SUCLG2: variants seen among roughly 807,000 people sequenced by gnomAD.
SUCLG2 encodes the protein succinate--CoA ligase [GDP-forming] subunit beta, mitochondrial.
In SUCLG2, 42 loss-of-function variants were observed where a neutral mutation model predicts 47.9. The ratio of observed to expected loss-of-function variants is 0.88; its 90% CI spans 0.69 to 1.14. SUCLG2 has a LOEUF of 1.14. SUCLG2 is among the 50% of genes most tolerant of loss of function. SUCLG2 has a pLI of 0.00. For synonymous variants in SUCLG2, 195 were observed against 197.3 expected (o/e 0.99, Z 0.10); for missense variants, 571 against 525.9 (o/e 1.09, Z -0.84).
At chr3:67,362,179 C>T (rs899048650) in intron 10 of SUCLG2, among the ~76,000 whole-genome samples, 13 of 152,246 alleles carry the variant, frequency 8.5e-5, no homozygotes, top group African/African-American at 3.1e-4. Flanking sequence ...CAACACTTCC[C>T]TGTTGCTCTC....
Position 67,550,110 on chromosome 3 carries a change from G to A in SUCLG2, c.227-20924C>T, listed in dbSNP as rs555826450. ...CTAATCCTCTGATTGAACACCAGCC[G>A]TATTCTTCCCTGGGCCTGGGGCACA... On this transcript the variant is annotated intron_variant, in intron 2 of 10. Coordinates refer to ENST00000307227, the MANE Select transcript of SUCLG2 (RefSeq NM_003848.4). Among the ~76,000 whole-genome samples, 25 of 152,230 alleles carry A rather than the reference G, an allele frequency of 1.6e-4. No homozygotes were observed. In the East Asian group the frequency reaches 2.3e-3, roughly 14 times the overall value.
intron 9 of SUCLG2, among the ~76,000 whole-genome samples, chr3:67,452,546 A>G (rs576334215): frequency 1.3e-5 from 2 of 152,348 alleles, no homozygotes; most frequent in Non-Finnish European, 2.9e-5. Context: ...TCTAATATGT[A>G]GAAAACAGGT....
intron 9 of SUCLG2, among the ~76,000 whole-genome samples, chr3:67,428,124 G>A (rs533210772): frequency 6.6e-6 from 1 of 152,304 alleles, no homozygotes; most frequent in African/African-American, 2.4e-5. Flanking sequence ...TTGAGAACTG[G>A]AGAATGGACA....
intron 9 of SUCLG2, chr3:67,408,829 GC>G: frequency 7.1e-7 from 1 of 1,418,286 alleles, no homozygotes; most frequent in Non-Finnish European, 9.2e-7. Context: ...ACAGCAGTAG[GC>G]AATGGTGTCA....
intron 9 of SUCLG2, among the ~76,000 whole-genome samples, chr3:67,483,689 T>A (rs923610514): frequency 2.6e-5 from 4 of 152,334 alleles, no homozygotes; most frequent in Non-Finnish European, 5.9e-5. Flanking sequence ...TATATTCTTG[T>A]TTGGCTGATG....
At chr3:67,422,540 T>C (rs1161361742) in intron 9 of SUCLG2, among the ~76,000 whole-genome samples, 7 of 141,232 alleles carry the variant, frequency 5.0e-5, no homozygotes, top group Admixed American at 2.2e-4. Flanking sequence ...TCTTACAATA[T>C]GTGTACAACT....
intron 10 of SUCLG2, chr3:67,376,538 T>C: frequency 1.0e-6 from 1 of 958,818 alleles, no homozygotes; most frequent in Non-Finnish European, 1.2e-6. Flanking sequence ...TTTAAGTGTC[T>C]AATGAAATAT....
intron 1 of SUCLG2, among the ~76,000 whole-genome samples, chr3:67,616,512 GC>G (rs1416252500): frequency 6.6e-6 from 1 of 152,052 alleles, no homozygotes; most frequent in African/African-American, 2.4e-5. Flanking sequence ...CTTGGGAAGG[GC>G]AGACCAAGAA....
chr3:67,562,692 T>C (rs536607821), intron 2 of SUCLG2, among the ~76,000 whole-genome samples: 1 of 152,332 alleles, frequency 6.6e-6, no homozygotes, highest in Non-Finnish European at 1.5e-5. Context: ...CAACACTAAT[T>C]TCCTTGTCTG....
At chr3:67,580,256 T>C (rs966757489) in intron 2 of SUCLG2, among the ~76,000 whole-genome samples, 2 of 152,148 alleles carry the variant, frequency 1.3e-5, no homozygotes, top group Non-Finnish European at 2.9e-5. Flanking sequence ...CCATGATATA[T>C]ATATTTCATT....
chr3:67,475,718 C>T (rs553690268), intron 9 of SUCLG2, among the ~76,000 whole-genome samples: 1 of 140,834 alleles, frequency 7.1e-6, no homozygotes, highest in African/African-American at 2.7e-5. Flanking sequence ...TCCTTCCCCT[C>T]CTTTTTTTTT....
chr3:67,384,357 A>C (rs757780336), intron 10 of SUCLG2, among the ~76,000 whole-genome samples: 3 of 152,216 alleles, frequency 2.0e-5, no homozygotes, highest in Non-Finnish European at 4.4e-5. Context: ...TGCAAGCTAT[A>C]GCTCACGGAC....
At chr3:67,405,277 G>A (rs1232213984) in intron 9 of SUCLG2, among the ~76,000 whole-genome samples, 1 of 152,074 alleles carries the variant, frequency 6.6e-6, no homozygotes, top group African/African-American at 2.4e-5. Flanking sequence ...GTTTTGCTTT[G>A]CAAAACACAC....
chr3:67,511,102 T>A (rs1351518299), intron 6 of SUCLG2, among the ~76,000 whole-genome samples: 3 of 151,796 alleles, frequency 2.0e-5, no homozygotes, highest in Non-Finnish European at 4.4e-5. Context: ...TTGGCCAGGA[T>A]GGTCTCAATC....
chr3:67,444,725 T>C, intron 9 of SUCLG2, among the ~76,000 whole-genome samples: 1 of 12,524 alleles, frequency 8.0e-5, no homozygotes, highest in Non-Finnish European at 1.5e-4. Context: ...AGCCGCCCCG[T>C]CTGGGAGGTG....
At chr3:67,648,332 G>A (rs1701226008) in intron 1 of SUCLG2, among the ~76,000 whole-genome samples, 1 of 152,166 alleles carries the variant, frequency 6.6e-6, no homozygotes, top group Admixed American at 6.5e-5. Flanking sequence ...TCCAGAAAGG[G>A]CAACCATGCC....
chr3:67,609,515 C>T lies in SUCLG2; in HGVS notation c.166G>A (p.Val56Ile), dbSNP rs1209383597. 2.5e-6 allele frequency: 4 copies of T among 1,613,702 alleles called. No homozygotes were observed. The highest frequency in any genetic ancestry group is 2.2e-5 in the East Asian group (1 of 44,882). Residue 56 changes from valine to isoleucine, a missense_variant, in exon 2 of 11, where the codon GTT (valine) becomes ATT (isoleucine). Transcript: ENST00000307227. The stretch of plus-strand genomic sequence containing the variant: ...GTGTCTGCTACAAAGAATCTTTGAA[C>T]TCTCACTCCGTTGTCAGACATCAGT... ...KKLMSDNGVR[V>I]QRFFVADTAN...
At chr3:67,495,590 T>TGCA (rs1186178384) in intron 9 of SUCLG2, among the ~76,000 whole-genome samples, 1 of 149,676 alleles carries the variant, frequency 6.7e-6, no homozygotes, top group African/African-American at 2.5e-5. Context: ...AGACGGAGGT[T>TGCA]GCAGTGAGCC....
At chr3:67,567,987 T>A (rs566079508) in intron 2 of SUCLG2, among the ~76,000 whole-genome samples, 22 of 152,246 alleles carry the variant, frequency 1.4e-4, no homozygotes, top group African/African-American at 4.8e-4. Context: ...ACTGATCAGC[T>A]CTCTTAAGAA....
Sources: gnomAD v4.1 joint callset for allele counts (sites outside exome capture counted in the v4.1 genomes callset) on GRCh38, gnomAD v4.1.1 for gene constraint, MANE v1.5 for transcripts, NCBI Gene and HGNC (gene_info 2026-07-23, HGNC 2026-07-21) for gene names.